Variants in MTOR observed in about 807,000 individuals in gnomAD.
MTOR encodes the protein serine/threonine-protein kinase mTOR.
MTOR carries 70 observed loss-of-function variants against 319.8 expected under a neutral mutation model. The observed-to-expected ratio is 0.22, with a 90% CI of 0.18 to 0.27. The LOEUF (loss-of-function observed/expected upper bound fraction) is 0.27. Among genes scored for constraint, MTOR ranks in the 10% least tolerant of loss-of-function variants. The pLI, the probability that MTOR is intolerant of heterozygous loss-of-function variation, is 1.00. For missense variants in MTOR, 1,890 were observed against 3,274.4 expected, an observed-to-expected ratio of 0.58 and a Z score of 10.32; for synonymous variants, 1,183 against 1,211.4, an observed-to-expected ratio of 0.98 and a Z score of 0.49.
chr1:11,206,361 G>C (rs895328449), intron 25 of MTOR, among the ~76,000 whole-genome samples: 1 of 152,212 alleles, frequency 6.6e-6, no homozygotes, highest in African/African-American at 2.4e-5. Context: ...GGTTAAGAGA[G>C]TGGGCTCTGG....
intron 30 of MTOR, among the ~76,000 whole-genome samples, chr1:11,152,741 C>A (rs569036767): frequency 2.0e-5 from 3 of 152,344 alleles, no homozygotes; most frequent in Non-Finnish European, 4.4e-5. Context: ...TGATGAACAT[C>A]TGCCTCAGGC....
At chr1:11,191,603 T>C (rs1477078443) in intron 28 of MTOR, among the ~76,000 whole-genome samples, 3 of 152,220 alleles carry the variant, frequency 2.0e-5, no homozygotes, top group Non-Finnish European at 4.4e-5. Context: ...GCTTAAATCC[T>C]GCATAAAGTA....
At chr1:11,114,528 C>T (rs2100318932) in intron 52 of MTOR, 75 bp from the exon 53 acceptor site, 2 of 1,591,888 alleles carry the variant, frequency 1.3e-6, no homozygotes, top group African/African-American at 1.3e-5. Flanking sequence ...GGGTCTGTTA[C>T]CCTCACTTAG....
chr1:11,173,378 C>A (rs926432093), intron 28 of MTOR, among the ~76,000 whole-genome samples: 1 of 152,086 alleles, frequency 6.6e-6, no homozygotes, highest in African/African-American at 2.4e-5. Context: ...GCAACCTCCA[C>A]CCCCTGGACT....
At chr1:11,186,893 T>G (rs960664273) in intron 28 of MTOR, among the ~76,000 whole-genome samples, 4 of 152,294 alleles carry the variant, frequency 2.6e-5, no homozygotes, top group African/African-American at 9.6e-5. Flanking sequence ...CTTATGCAAT[T>G]CAAGAGCTTC....
At chr1:11,194,017 T>C in intron 28 of MTOR, among the ~76,000 whole-genome samples, 1 of 152,038 alleles carries the variant, frequency 6.6e-6, no homozygotes, top group South Asian at 2.1e-4. Context: ...CAGGCCAGAG[T>C]AGAGCAAATT....
intron 49 of MTOR, among the ~76,000 whole-genome samples, chr1:11,120,755 T>C (rs1166802136): frequency 6.6e-6 from 1 of 152,216 alleles, no homozygotes; most frequent in African/African-American, 2.4e-5. Flanking sequence ...TAATACAATG[T>C]GAATGTTATA....
chr1:11,109,309 C>T lies in MTOR; in HGVS notation c.7509G>A (p.Arg2503=), dbSNP rs774727291. 1.2e-5 allele frequency: 20 copies of T among 1,614,042 alleles called. No homozygotes were observed. Among genetic ancestry groups the T allele is most frequent in the Admixed American group, 1.7e-5 (1 of 59,966 alleles). The change falls in exon 56 of 58, where the codon AGG becomes AGA. Residue 2503 remains arginine (R), a synonymous_variant. Coordinates refer to ENST00000361445, the MANE Select transcript of MTOR (RefSeq NM_004958.4). This position sits in a 1 kb window ranked among gnomAD's most constrained non-coding sequence, Gnocchi z 4.0. ...LNKKAIQIIN[R]VRDKLTGRDF... The stretch of plus-strand genomic sequence containing the variant: ...ACTCACCAGTGAGCTTATCTCGAAC[C>T]CTGTTAATAATCTGGATAGCTTTCT...
chr1:11,167,587 T>C, intron 28 of MTOR, 70 bp from the exon 29 acceptor site: 2 of 1,193,894 alleles, frequency 1.7e-6, no homozygotes, highest in Non-Finnish European at 2.5e-6. Flanking sequence ...GGGTCATTTG[T>C]GGGCAGATGG....
At position 11,243,294 on chromosome 1, in the gene MTOR, T is replaced by G. The variant is rs1372622060; in HGVS notation, c.1232A>C (p.Gln411Pro). The G allele has an allele frequency of 6.2e-7, 1 of 1,613,884 alleles. No individual in the cohort carries two copies. The change falls in exon 9 of 58, where the codon CAG becomes CCG. Residue 411 changes from glutamine (Q) to proline (P), a missense_variant. Gln to Pro is a moderately conservative substitution (Grantham distance 76). Transcript: ENST00000361445. ...AFRPSAFTDT[Q>P]YLQDTMNHVL... ...ATGGTTCATGGTATCTTGGAGATAC[T>G]GGGTATCTGAGCACAGAAAAGACAA... is the stretch of plus-strand genomic sequence containing the variant.
chr1:11,176,713 A>C (rs1248593440), intron 28 of MTOR, among the ~76,000 whole-genome samples: 13 of 152,186 alleles, frequency 8.5e-5, no homozygotes. Context: ...TGTATCAAGC[A>C]GTTTCTCTCA....
chr1:11,169,190 C>A (rs2100616994), intron 28 of MTOR, among the ~76,000 whole-genome samples: 1 of 152,308 alleles, frequency 6.6e-6, no homozygotes, highest in African/African-American at 2.4e-5. Flanking sequence ...AAGGAAATTG[C>A]CCAGAAATCT....
intron 28 of MTOR, among the ~76,000 whole-genome samples, chr1:11,186,465 A>G (rs573305142): frequency 4.6e-5 from 7 of 152,332 alleles, no homozygotes; most frequent in Admixed American, 1.3e-4. Flanking sequence ...CATTAAGAAC[A>G]AAAGCTTAAT....
At chr1:11,224,241 G>C (rs1034107083) in intron 19 of MTOR, among the ~76,000 whole-genome samples, 2 of 151,874 alleles carry the variant, frequency 1.3e-5, no homozygotes, top group East Asian at 3.9e-4. Context: ...AAAAGTAAAA[G>C]AATTGGAAAA....
At chr1:11,200,946 C>T (rs1256237139) in intron 26 of MTOR, among the ~76,000 whole-genome samples, 1 of 149,936 alleles carries the variant, frequency 6.7e-6, no homozygotes, top group Non-Finnish European at 1.5e-5. Context: ...ACCTGGGAGG[C>T]AGAGTTTGCA....
At chr1:11,223,142 G>A (rs963453091) in intron 19 of MTOR, among the ~76,000 whole-genome samples, 2 of 150,666 alleles carry the variant, frequency 1.3e-5, no homozygotes, top group Non-Finnish European at 2.9e-5. Context: ...CAGGACAAAT[G>A]ACCTGGTTTC....
At chr1:11,143,276 T>C (rs1203609299) in intron 34 of MTOR, among the ~76,000 whole-genome samples, 1 of 152,208 alleles carries the variant, frequency 6.6e-6, no homozygotes, top group African/African-American at 2.4e-5. Flanking sequence ...CTGGACCCAG[T>C]AAAGTCAGAC....
chr1:11,237,968 C>A lies in MTOR; in HGVS notation c.2083G>T (p.Ala695Ser), dbSNP rs1647432818. The change falls in exon 13 of 58, where the codon GCC (alanine) becomes TCC (serine). Residue 695 changes from alanine (A) to serine (S), a missense_variant. Ala to Ser is a moderately conservative substitution (Grantham distance 99, BLOSUM62 1). This residue lies in a region of MTOR where 377 missense variants were observed against 653.9 expected (regional missense o/e 0.58). Coordinates refer to ENST00000361445, the MANE Select transcript of MTOR (RefSeq NM_004958.4). ...AHLAQAENLQ[A>S]LFVALNDQVF... ...TGGTCATTCAGAGCCACAAACAAGG[C>A]CTGCAAGTTCTCCGCCTGGGCCAGG... 6.2e-7 allele frequency: 1 copy of A among 1,614,098 alleles called. No individual in the cohort carries two copies. Among genetic ancestry groups the A allele is most frequent in the Non-Finnish European group, 8.5e-7 (1 of 1,180,048 alleles).
At chr1:11,223,510 C>T (rs1024124214) in intron 19 of MTOR, among the ~76,000 whole-genome samples, 3 of 151,864 alleles carry the variant, frequency 2.0e-5, no homozygotes, top group African/African-American at 7.3e-5. Context: ...ACCAAATTGA[C>T]AAAATGCTAG....
Sources: gnomAD v4.1 joint callset for allele counts (sites outside exome capture counted in the v4.1 genomes callset) on GRCh38, gnomAD v4.1.1 for gene constraint, gnomAD v4.1.1 regional missense constraint, Gnocchi (gnomAD v3.1) non-coding constraint, MANE v1.5 for transcripts, NCBI Gene and HGNC (gene_info 2026-07-23, HGNC 2026-07-21) for gene names.